Variants in CORO2B observed in about 807,000 individuals in gnomAD.
CORO2B encodes the protein coronin-2B.
Under a neutral mutation model 58.8 loss-of-function variants are expected in CORO2B, and 26 were observed. The ratio of observed to expected loss-of-function variants is 0.44; its 90% confidence interval spans 0.32 to 0.61. The LOEUF (loss-of-function observed/expected upper bound fraction) is 0.61. Among genes scored for constraint, CORO2B ranks in the 20% least tolerant of loss-of-function variants. The pLI, the probability that CORO2B is intolerant of heterozygous loss-of-function variation, is 0.04. For synonymous variants in CORO2B, 242 were observed against 253.8 expected (o/e 0.95, Z 0.44); for missense variants, 460 against 645.1 (o/e 0.71, Z 3.11).
At chr15:68,630,628 G>A (rs1595978402) in intron 1 of CORO2B, among the ~76,000 whole-genome samples, 1 of 152,300 alleles carries the variant, frequency 6.6e-6, no homozygotes, top group African/African-American at 2.4e-5. Context: ...GCTTTAGGCT[G>A]CGAGTAACAA....
At chr15:68,614,074 T>G (rs1370695137) in intron 1 of CORO2B, among the ~76,000 whole-genome samples, 2 of 152,196 alleles carry the variant, frequency 1.3e-5, no homozygotes, top group Non-Finnish European at 2.9e-5. Context: ...CTTGGGTGCT[T>G]GTTAAAATGC....
chr15:68,591,816 G>A (rs960123199), intron 1 of CORO2B, among the ~76,000 whole-genome samples: 3 of 152,186 alleles, frequency 2.0e-5, no homozygotes, highest in Admixed American at 2.0e-4. Context: ...GAACATAGGA[G>A]GGGGCAGAGG....
intron 2 of CORO2B, among the ~76,000 whole-genome samples, chr15:68,669,244 G>A (rs1051845095): frequency 1.8e-4 from 27 of 152,360 alleles, no homozygotes; most frequent in Admixed American, 9.8e-4. Flanking sequence ...GAAGCAGGGA[G>A]CCCTGTTCAC....
At chr15:68,553,766 C>T in the CORO2B span, among the ~76,000 whole-genome samples, 2 of 152,114 alleles carry the variant, frequency 1.3e-5, no homozygotes, top group Non-Finnish European at 2.9e-5. Context: ...GTTTGTGCCC[C>T]GCACAGTGAA....
At chr15:68,598,927 G>A (rs910027413) in intron 1 of CORO2B, among the ~76,000 whole-genome samples, 4 of 152,170 alleles carry the variant, frequency 2.6e-5, no homozygotes, top group African/African-American at 9.7e-5. Flanking sequence ...GCCCAAGCTG[G>A]GTCTGGAGCT....
intron 1 of CORO2B, among the ~76,000 whole-genome samples, chr15:68,599,067 T>G (rs1899910448): frequency 6.6e-6 from 1 of 152,222 alleles, no homozygotes; most frequent in South Asian, 2.1e-4. Context: ...CTTCACTCTC[T>G]GGCCACCATT....
At chr15:68,551,698 C>A in the CORO2B span, among the ~76,000 whole-genome samples, 2 of 152,178 alleles carry the variant, frequency 1.3e-5, no homozygotes, top group Non-Finnish European at 2.9e-5. Flanking sequence ...AGGCCTGGCG[C>A]CTTCTATCCT....
At chr15:68,667,607 C>A (rs909056046) in intron 2 of CORO2B, among the ~76,000 whole-genome samples, 1 of 152,206 alleles carries the variant, frequency 6.6e-6, no homozygotes, top group Non-Finnish European at 1.5e-5. Context: ...TAAAACCCTG[C>A]GTGAGGAGTG....
chr15:68,646,940 G>A (rs575727369), intron 2 of CORO2B, among the ~76,000 whole-genome samples: 6 of 152,220 alleles, frequency 3.9e-5, no homozygotes, highest in East Asian at 1.9e-4. Context: ...CCTCAGGGAC[G>A]CACTCAGCTC....
At chr15:68,674,693 C>T (rs1317411006) in intron 2 of CORO2B, among the ~76,000 whole-genome samples, 1 of 152,222 alleles carries the variant, frequency 6.6e-6, no homozygotes, top group Non-Finnish European at 1.5e-5. Context: ...CGAAGAACAT[C>T]AAACTCAGCA....
At chr15:68,537,633 A>G in the CORO2B span, among the ~76,000 whole-genome samples, 10 of 151,938 alleles carry the variant, frequency 6.6e-5, no homozygotes, top group Non-Finnish European at 1.0e-4. Flanking sequence ...ATGTTTCCCA[A>G]TGCTCTCCCT....
intron 3 of CORO2B, among the ~76,000 whole-genome samples, chr15:68,708,050 C>T (rs1325167806): frequency 1.3e-5 from 2 of 152,100 alleles, no homozygotes; most frequent in Middle Eastern, 3.2e-3. Flanking sequence ...ATTTCAAACT[C>T]TCCCCAAATT....
rs752781948 is a variant in CORO2B at position 68,582,093 on chromosome 15, C to T, written c.15+2816C>T. Among the ~76,000 whole-genome samples, 5 of 152,230 alleles carry T rather than the reference C, an allele frequency of 3.3e-5. 1 individual carries two copies. The highest frequency in any genetic ancestry group is 4.1e-4 in the South Asian group (2 of 4,820). ...GGAGGTGAGCCTGTTTTCCATTTTC[C>T]GCCTCTCTTTCATACATCCCCTTGC... On this transcript the variant is annotated intron_variant, in intron 1 of 11. Coordinates refer to ENST00000261861, the MANE Select transcript of CORO2B (RefSeq NM_006091.5).
At chr15:68,591,589 G>A (rs1279213951) in intron 1 of CORO2B, among the ~76,000 whole-genome samples, 1 of 152,212 alleles carries the variant, frequency 6.6e-6, no homozygotes, top group Non-Finnish European at 1.5e-5. Flanking sequence ...AGGCAGAGAG[G>A]TGAGTGGACA....
chr15:68,655,326 G>C (rs948411039), intron 2 of CORO2B, among the ~76,000 whole-genome samples: 2 of 152,196 alleles, frequency 1.3e-5, no homozygotes, highest in African/African-American at 4.8e-5. Flanking sequence ...CATTGAATGA[G>C]CATGAGCTCT....
intron 1 of CORO2B, among the ~76,000 whole-genome samples, chr15:68,618,814 A>G (rs1296470174): frequency 6.6e-6 from 1 of 152,244 alleles, no homozygotes. Context: ...AGGTTCCTAG[A>G]CATGTGCCCC....
chr15:68,584,422 C>T (rs1429223994), intron 1 of CORO2B, among the ~76,000 whole-genome samples: 1 of 152,198 alleles, frequency 6.6e-6, no homozygotes, highest in Non-Finnish European at 1.5e-5. Context: ...AGAATCACCC[C>T]ACAGTGGCCA....
At chr15:68,541,234 C>CAAA in the CORO2B span, among the ~76,000 whole-genome samples, 9 of 148,200 alleles carry the variant, frequency 6.1e-5, no homozygotes, top group African/African-American at 7.4e-5. Flanking sequence ...GACCCTGTCT[C>CAAA]AAATAAAAAA....
chr15:68,547,433 A>G, the CORO2B span, among the ~76,000 whole-genome samples: 1 of 152,230 alleles, frequency 6.6e-6, no homozygotes, highest in Non-Finnish European at 1.5e-5. Context: ...ACAGGCATGC[A>G]CAACTCTATC....
Sources: gnomAD v4.1 joint callset for allele counts (sites outside exome capture counted in the v4.1 genomes callset) on GRCh38, gnomAD v4.1.1 for gene constraint, MANE v1.5 for transcripts, NCBI Gene and HGNC (gene_info 2026-07-23, HGNC 2026-07-21) for gene names.